The following ANO3 variants were observed in gnomAD, a reference collection of about 807,000 sequenced individuals.
ANO3 encodes anoctamin-3.
In ANO3, 99 loss-of-function variants were observed where a neutral mutation model predicts 144.8. That is an observed-to-expected ratio of 0.68 (90% CI 0.58 to 0.81). ANO3 has a LOEUF of 0.81. Among genes scored for constraint, ANO3 ranks in the 30% least tolerant of loss-of-function variants. The probability of loss-of-function intolerance (pLI) is 0.00; values close to 1 mark genes in which losing one functional copy is unlikely to be tolerated. For synonymous variants in ANO3, 414 were observed against 392.6 expected, an observed-to-expected ratio of 1.05 and a Z score of -0.64; for missense variants, 905 against 1,202.2, an observed-to-expected ratio of 0.75 and a Z score of 3.66.
At chr11:26,291,577 T>C (rs971410381) in intron 1 of ANO3, among the ~76,000 whole-genome samples, 1 of 152,232 alleles carries the variant, frequency 6.6e-6, no homozygotes, top group Non-Finnish European at 1.5e-5. Flanking sequence ...TAGTGCTTCC[T>C]TCAGGATCTC....
intron 3 of ANO3, among the ~76,000 whole-genome samples, chr11:26,460,422 G>T (rs1299112124): frequency 1.8e-3 from 82 of 45,622 alleles, no homozygotes; most frequent in Non-Finnish European, 3.9e-3. Context: ...AGAAGAAAGG[G>T]GGGGGGGCGG....
chr11:26,568,881 A>G (rs986454429), intron 14 of ANO3, among the ~76,000 whole-genome samples: 2 of 152,016 alleles, frequency 1.3e-5, no homozygotes, highest in Admixed American at 6.6e-5. Flanking sequence ...TTCATTATCT[A>G]CGGCATGTGA....
chr11:26,598,369 A>T lies in ANO3; in HGVS notation c.1452A>T (p.Thr484=), dbSNP rs1423644014. The change falls in exon 15 of 27, where the codon ACA becomes ACT. Residue 484 remains threonine, a synonymous_variant. Transcript: ENST00000256737. ...TATCATTTTTATATTTTATAGCCACAGTCTTCCTGGAGTTTTGGAAAAGGA... is the reference window on the plus strand; with the variant it reads ...TATCATTTTTATATTTTATAGCCACTGTCTTCCTGGAGTTTTGGAAAAGGA... ...FFAIFMAIWA[T]VFLEFWKRRR... is the part of the protein sequence containing the mutation. The T allele has an allele frequency of 1.6e-5, 25 of 1,524,124 alleles. No homozygotes were observed. The highest frequency in any genetic ancestry group is 2.5e-5 in the East Asian group (1 of 40,576). 94.4% of individuals were successfully genotyped at this position (1,524,124 alleles called of 1,614,324 possible).
At chr11:26,214,845 C>T (rs1320512265) in intron 1 of ANO3, among the ~76,000 whole-genome samples, 1 of 151,828 alleles carries the variant, frequency 6.6e-6, no homozygotes, top group Non-Finnish European at 1.5e-5. Flanking sequence ...TTTTAGTTGC[C>T]ATGATTCTCT....
chr11:26,574,961 A>G (rs914906410), intron 14 of ANO3, among the ~76,000 whole-genome samples: 8 of 152,126 alleles, frequency 5.3e-5, no homozygotes, highest in African/African-American at 1.7e-4. Context: ...AACCTGGTCA[A>G]TCAACTAAAA....
At chr11:26,370,266 G>C (rs773181238) in intron 1 of ANO3, among the ~76,000 whole-genome samples, 1 of 152,084 alleles carries the variant, frequency 6.6e-6, no homozygotes, top group Non-Finnish European at 1.5e-5. Flanking sequence ...TTTCGCCTTC[G>C]CTCAGCTCTC....
At chr11:26,566,102 T>G (rs1464011095) in intron 14 of ANO3, among the ~76,000 whole-genome samples, 1 of 151,924 alleles carries the variant, frequency 6.6e-6, no homozygotes, top group African/African-American at 2.4e-5. Context: ...CTTCCTTCCT[T>G]GCTTCTAGGG....
chr11:26,273,743 T>C (rs1564943839), intron 1 of ANO3, among the ~76,000 whole-genome samples: 1 of 150,914 alleles, frequency 6.6e-6, no homozygotes, highest in Admixed American at 6.6e-5. Flanking sequence ...CAAATAGACA[T>C]CACACGAGAG....
intron 4 of ANO3, among the ~76,000 whole-genome samples, chr11:26,490,481 G>A (rs549818960): frequency 6.6e-6 from 1 of 152,344 alleles, no homozygotes; most frequent in Admixed American, 6.5e-5. Context: ...TTATAGCTTT[G>A]TGGTATAAAC....
intron 13 of ANO3, 121 bp downstream of exon 13, chr11:26,553,466 G>A: frequency 1.8e-6 from 1 of 558,464 alleles, no homozygotes; most frequent in Non-Finnish European, 3.1e-6. Flanking sequence ...ACCTTAATAA[G>A]TGCCATTGAC....
intron 1 of ANO3, among the ~76,000 whole-genome samples, chr11:26,344,815 G>C (rs1170652353): frequency 6.6e-6 from 1 of 152,136 alleles, no homozygotes; most frequent in Non-Finnish European, 1.5e-5. Context: ...ATTAGTCATA[G>C]CTCTTACCAG....
intron 1 of ANO3, among the ~76,000 whole-genome samples, chr11:26,303,343 CACCAT>C (rs960275867): frequency 1.3e-5 from 2 of 152,126 alleles, no homozygotes; most frequent in African/African-American, 4.8e-5. Flanking sequence ...GGTATATATA[CACCAT>C]ACAATACTAC....
intron 4 of ANO3, among the ~76,000 whole-genome samples, chr11:26,500,437 T>C (rs10834985): frequency 0.6 from 90,941 of 151,868 alleles, 27,911 homozygotes; most frequent in East Asian, 0.68. Context: ...ACAGGGTGAA[T>C]TTCTCCATAT....
At chr11:26,383,885 G>GTTT (rs1856650359) in intron 1 of ANO3, among the ~76,000 whole-genome samples, 14 of 65,286 alleles carry the variant, frequency 2.1e-4, no homozygotes, top group Non-Finnish European at 3.0e-4. Flanking sequence ...GCCATGCATT[G>GTTT]TTCTTTTTTT....
chr11:26,629,681 G>C (rs559212505), intron 18 of ANO3, among the ~76,000 whole-genome samples: 2 of 152,118 alleles, frequency 1.3e-5, no homozygotes, highest in Non-Finnish European at 2.9e-5. Context: ...GCCCAGGCTG[G>C]AAGGCAATGG....
At chr11:26,399,860 G>A (rs1056035265) in intron 1 of ANO3, among the ~76,000 whole-genome samples, 5 of 151,760 alleles carry the variant, frequency 3.3e-5, no homozygotes, top group African/African-American at 9.7e-5. Context: ...TTTGCTTCAC[G>A]GTATAGACTG....
intron 1 of ANO3, among the ~76,000 whole-genome samples, chr11:26,415,335 T>C (rs1464516217): frequency 6.6e-6 from 1 of 152,216 alleles, no homozygotes; most frequent in East Asian, 1.9e-4. Context: ...CAAGCCTTAC[T>C]GAGGATGCTA....
intron 4 of ANO3, among the ~76,000 whole-genome samples, chr11:26,489,823 C>T (rs1004107259): frequency 6.6e-6 from 1 of 152,158 alleles, no homozygotes; most frequent in Non-Finnish European, 1.5e-5. Flanking sequence ...GCTGTATTGA[C>T]CCAGTACATG....
intron 3 of ANO3, among the ~76,000 whole-genome samples, chr11:26,453,236 C>T (rs531079680): frequency 6.6e-6 from 1 of 152,134 alleles, no homozygotes; most frequent in East Asian, 1.9e-4. Context: ...ACAATATTAA[C>T]TTTAAATGTA....
Sources: allele counts gnomAD v4.1 joint callset (sites outside exome capture counted in the v4.1 genomes callset), GRCh38; gene constraint gnomAD v4.1.1; transcripts MANE v1.5; gene names NCBI Gene and HGNC (gene_info 2026-07-23, HGNC 2026-07-21).